Variants in EDA observed in about 807,000 individuals in gnomAD.
EDA encodes ectodysplasin A, also known as ectodysplasin-A.
EDA carries 2 observed loss-of-function variants against 23.6 expected under a neutral mutation model. The ratio of observed to expected loss-of-function variants is 0.08; its 90% CI spans 0.03 to 0.27. EDA has a LOEUF of 0.27. EDA is among the 10% of genes least tolerant of loss of function. The pLI, the probability that EDA is intolerant of heterozygous loss-of-function variation, is 1.00. For missense variants in EDA, 229 were observed against 324.2 expected, an observed-to-expected ratio of 0.71 and a Z score of 2.26; for synonymous variants, 131 against 132.0, an observed-to-expected ratio of 0.99 and a Z score of 0.05.
At chrX:69,754,986 C>T (rs916780231) in intron 1 of EDA, among the ~76,000 whole-genome samples, 1 of 111,523 alleles carries the variant, frequency 9.0e-6, no homozygotes, top group East Asian at 2.8e-4. Flanking sequence ...AGCTTCTTTG[C>T]GATGGGTTTG....
chrX:69,642,982 ATGT>A (rs1932857422), intron 1 of EDA, among the ~76,000 whole-genome samples: 1 of 111,590 alleles, frequency 9.0e-6, no homozygotes, highest in Admixed American at 9.6e-5. Context: ...CTCTAAATAA[ATGT>A]TGTTTCTTCT....
chrX:69,947,512 A>T (rs2018850527), intron 1 of EDA, among the ~76,000 whole-genome samples: 1 of 111,836 alleles, frequency 8.9e-6, no homozygotes, highest in African/African-American at 3.2e-5. Context: ...TCTATAATAC[A>T]CCTTTAGAGT....
At chrX:69,987,925 G>A (rs7063346) in intron 2 of EDA, among the ~76,000 whole-genome samples, 7,302 of 111,102 alleles carry the variant, frequency 0.066, 559 homozygotes, top group African/African-American at 0.22. Flanking sequence ...CAGTCCAGTG[G>A]CAACCTAAGC....
chrX:69,761,966 C>T (rs5980850), intron 1 of EDA, among the ~76,000 whole-genome samples: 6 of 110,301 alleles, frequency 5.4e-5, no homozygotes, highest in East Asian at 2.9e-4. Flanking sequence ...TATGTTTTTA[C>T]GGGTAAAGAA....
chrX:69,668,295 T>A (rs1013850634), intron 1 of EDA, among the ~76,000 whole-genome samples: 8 of 112,009 alleles, frequency 7.1e-5, no homozygotes, highest in Non-Finnish European at 1.5e-4. Context: ...TGATTTCTAG[T>A]TTTTTTATAA....
intron 2 of EDA, among the ~76,000 whole-genome samples, chrX:69,974,644 A>G (rs991448407): frequency 8.9e-5 from 10 of 111,937 alleles, no homozygotes; most frequent in African/African-American, 3.2e-4. Context: ...TTTGCAAACT[A>G]TACATCTGAC....
At chrX:69,926,584 G>T (rs148684629) in intron 1 of EDA, among the ~76,000 whole-genome samples, 56 of 112,109 alleles carry the variant, frequency 5.0e-4, no homozygotes, top group African/African-American at 1.6e-3. Context: ...CAATTATGTG[G>T]TCTATTTTAG....
At chrX:69,888,712 ATAT>A (rs2017867405) in intron 1 of EDA, among the ~76,000 whole-genome samples, 2 of 107,215 alleles carry the variant, frequency 1.9e-5, no homozygotes, top group African/African-American at 6.7e-5. Context: ...GCAGGTAATT[ATAT>A]AATGAAAAAA....
intron 2 of EDA, among the ~76,000 whole-genome samples, chrX:70,019,397 T>C (rs973939157): frequency 1.5e-4 from 17 of 112,125 alleles, no homozygotes; most frequent in African/African-American, 5.2e-4. Flanking sequence ...TGCACATGTA[T>C]GTTCATGGCA....
chrX:69,929,495 A>G (rs1158306228), intron 1 of EDA, among the ~76,000 whole-genome samples: 1 of 110,252 alleles, frequency 9.1e-6, no homozygotes, highest in Admixed American at 9.8e-5. Flanking sequence ...TTCTAATTGC[A>G]TGCCTAGTAC....
chrX:69,928,832 A>C (rs1163281542), intron 1 of EDA, among the ~76,000 whole-genome samples: 1 of 111,773 alleles, frequency 8.9e-6, no homozygotes, highest in Non-Finnish European at 1.9e-5. Context: ...AGTGTTAAAT[A>C]GCTGAAAAAC....
At chrX:70,019,421 T>TA (rs1269013215) in intron 2 of EDA, among the ~76,000 whole-genome samples, 3 of 111,896 alleles carry the variant, frequency 2.7e-5, no homozygotes, top group Non-Finnish European at 5.6e-5. Flanking sequence ...CTCTTCACAA[T>TA]AGCAAAGATG....
chrX:69,982,722 A>G (rs1298222245), intron 2 of EDA, among the ~76,000 whole-genome samples: 1 of 102,205 alleles, frequency 9.8e-6, no homozygotes, highest in Non-Finnish European at 2.0e-5. Flanking sequence ...GCTGAAAAAA[A>G]TGTATATTCT....
chrX:69,831,965 A>C (rs1164126285), intron 1 of EDA, among the ~76,000 whole-genome samples: 1 of 110,939 alleles, frequency 9.0e-6, no homozygotes, highest in Non-Finnish European at 1.9e-5. Context: ...AGACGGCAAA[A>C]ATTTTCTCCC....
chrX:69,928,530 G>T (rs2018553517), intron 1 of EDA, among the ~76,000 whole-genome samples: 1 of 111,621 alleles, frequency 9.0e-6, no homozygotes, highest in South Asian at 3.7e-4. Flanking sequence ...CTACATCTCT[G>T]GGGAGCAGTA....
intron 1 of EDA, among the ~76,000 whole-genome samples, chrX:69,809,696 T>C (rs1221370221): frequency 9.0e-6 from 1 of 111,392 alleles, no homozygotes; most frequent in Non-Finnish European, 1.9e-5. Flanking sequence ...GTATAAGAGG[T>C]ACTTTGTTTA....
intron 1 of EDA, among the ~76,000 whole-genome samples, chrX:69,800,069 A>G (rs984332704): frequency 2.7e-5 from 3 of 111,662 alleles, no homozygotes; most frequent in African/African-American, 6.5e-5. Context: ...TTGCAGCAAC[A>G]TGGTTGAAAC....
chrX:69,996,952 G>T (rs1362356917), intron 2 of EDA, among the ~76,000 whole-genome samples: 1 of 112,054 alleles, frequency 8.9e-6, no homozygotes, highest in Non-Finnish European at 1.9e-5. Context: ...AGGCCTCCCC[G>T]GCCACGTGGA....
At chrX:69,698,464 A>T (rs765783333) in intron 1 of EDA, among the ~76,000 whole-genome samples, 12 of 111,895 alleles carry the variant, frequency 1.1e-4, no homozygotes, top group South Asian at 3.8e-4. Context: ...GTCGACAGGC[A>T]GAGGCATGGC....
Sources: allele counts gnomAD v4.1 joint callset (sites outside exome capture counted in the v4.1 genomes callset), GRCh38; gene constraint gnomAD v4.1.1; transcripts MANE v1.5; gene names NCBI Gene and HGNC (gene_info 2026-07-23, HGNC 2026-07-21).